MOSPD1: variants seen among roughly 807,000 people sequenced by gnomAD.
The protein encoded by MOSPD1 is motile sperm domain-containing protein 1.
MOSPD1 carries 5 observed loss-of-function variants against 16.7 expected under a neutral mutation model. The observed-to-expected ratio is 0.30, with a 90% CI of 0.16 to 0.63. The LOEUF (loss-of-function observed/expected upper bound fraction) is 0.63. Among genes scored for constraint, MOSPD1 ranks in the 30% least tolerant of loss-of-function variants. The probability of loss-of-function intolerance (pLI) is 0.82; values close to 1 mark genes in which losing one functional copy is unlikely to be tolerated. For synonymous variants in MOSPD1, 67 were observed against 59.2 expected (o/e 1.13, Z -0.61); for missense variants, 104 against 153.6 (o/e 0.68, Z 1.71).
At chrX:134,893,791 C>G (rs1333720981) in intron 4 of MOSPD1, among the ~76,000 whole-genome samples, 2 of 111,391 alleles carry the variant, frequency 1.8e-5, no homozygotes, top group Non-Finnish European at 3.8e-5. Context: ...AAATGTCTGC[C>G]TGGCACACTA....
intron 5 of MOSPD1, among the ~76,000 whole-genome samples, chrX:134,890,020 G>A (rs2082854367): frequency 9.6e-6 from 1 of 103,641 alleles, no homozygotes; most frequent in Non-Finnish European, 2.0e-5. Context: ...GCAGTGAGCC[G>A]AGATCCAGCC....
rs1221758366 is a variant in MOSPD1 at position 134,897,546 on chromosome X, T to TAAA, written c.231-515_231-513dup. Among the ~76,000 whole-genome samples the TAAA allele has an allele frequency of 4.5e-4, 26 of 57,831 alleles. No individual in the cohort carries two copies. In the East Asian group the frequency reaches 7.3e-3, roughly 16 times the overall value. 50.2% of individuals were successfully genotyped at this position (57,831 alleles called of 115,157 possible). Reference sequence around the variant, plus strand: ...GCAAGAGAGCAAGACTCTGTCTTATTAAAAAAAAAAAAAAAAAAAAAAGAA... The same window carrying TAAA: ...GCAAGAGAGCAAGACTCTGTCTTATTAAAAAAAAAAAAAAAAAAAAAAAAAGAA... On this transcript the variant is annotated intron_variant, in intron 3 of 5. Transcript: ENST00000370783.
intron 1 of MOSPD1, among the ~76,000 whole-genome samples, chrX:134,913,380 T>C (rs1294055192): frequency 1.8e-5 from 2 of 111,359 alleles, no homozygotes; most frequent in South Asian, 7.5e-4. Context: ...TCTCAAAAAA[T>C]ATATATATTT....
chrX:134,903,121 G>T (rs934566787), intron 1 of MOSPD1, among the ~76,000 whole-genome samples: 1 of 109,299 alleles, frequency 9.1e-6, no homozygotes, highest in Admixed American at 9.9e-5. Context: ...CTAAAACTCT[G>T]TCGAGATGAG....
At chrX:134,898,212 C>T (rs749095183) in intron 3 of MOSPD1, among the ~76,000 whole-genome samples, 1 of 111,404 alleles carries the variant, frequency 9.0e-6, no homozygotes, top group Non-Finnish European at 1.9e-5. Flanking sequence ...TTCTGCAATT[C>T]CATTTATTTT....
At chrX:134,891,776 T>C in intron 4 of MOSPD1, 136 bp from the exon 5 acceptor site, 1 of 623,350 alleles carries the variant, frequency 1.6e-6, no homozygotes. Flanking sequence ...ATTTTTTCCA[T>C]CTGAGAGTTA....
intron 4 of MOSPD1, among the ~76,000 whole-genome samples, chrX:134,895,798 A>G (rs1427492805): frequency 2.7e-5 from 3 of 110,674 alleles, no homozygotes; most frequent in African/African-American, 9.8e-5. Flanking sequence ...TGCAATTAAA[A>G]GTAATGGCAA....
intron 1 of MOSPD1, among the ~76,000 whole-genome samples, chrX:134,909,549 T>C (rs1235359629): frequency 8.9e-6 from 1 of 111,791 alleles, no homozygotes; most frequent in African/African-American, 3.2e-5. Context: ...AATGACCAAC[T>C]AAATACTAAA....
At chrX:134,899,000 C>A (rs765843938) in intron 3 of MOSPD1, 90 bp downstream of exon 3, 145 of 807,752 alleles carry the variant, frequency 1.8e-4, no homozygotes, top group Non-Finnish European at 2.5e-4. Flanking sequence ...TATGTGAGAA[C>A]AGCTTCAAGA....
chrX:134,899,115 C>T lies in MOSPD1; in HGVS notation c.205G>A (p.Val69Ile). The T allele has an allele frequency of 8.3e-7, 1 of 1,208,624 alleles. No homozygotes were observed. Among genetic ancestry groups the T allele is most frequent in the South Asian group, 1.8e-5 (1 of 56,559 alleles). ...KYVVVDAAGAVKPQCCVDIVI... is the reference protein window; with the variant it reads ...KYVVVDAAGAIKPQCCVDIVI... Reference sequence around the variant, plus strand: ...ATATCCACACAACACTGAGGCTTTACTGCACCTGCAGCATCAACGACAACA... The same window carrying T: ...ATATCCACACAACACTGAGGCTTTATTGCACCTGCAGCATCAACGACAACA... The change falls in exon 3 of 6, where the codon GTA (valine) becomes ATA (isoleucine). Residue 69 changes from valine to isoleucine, a missense_variant. Val to Ile is a conservative substitution (Grantham distance 29). This residue lies in a region of MOSPD1 where 21 missense variants were observed against 52.6 expected (regional missense o/e 0.40). Coordinates refer to ENST00000370783, the MANE Select transcript of MOSPD1 (RefSeq NM_019556.3).
At chrX:134,903,687 G>C (rs755377775) in intron 1 of MOSPD1, among the ~76,000 whole-genome samples, 32 of 99,032 alleles carry the variant, frequency 3.2e-4, no homozygotes, top group African/African-American at 1.2e-3. Flanking sequence ...ACTCCACCCT[G>C]GGTGACAGAG....
rs1304441279 is a variant in MOSPD1, at chrX:134,899,149, TGGA to T, written c.168_170del (p.Pro57del). 1 of 1,205,267 alleles carries T rather than the reference TGGA, an allele frequency of 8.3e-7. No homozygotes were observed. The highest frequency in any genetic ancestry group is 1.8e-5 in the African/African-American group (1 of 56,790). On this transcript the variant is annotated inframe_deletion, in exon 3 of 6. Coordinates refer to ENST00000370783, the MANE Select transcript of MOSPD1 (RefSeq NM_019556.3). ...CAGCATCAACGACAACATACTTATT[TGGA>T]GTAGTACACAAAACTGAAAGAAAAA...
Position 134,905,804 on chromosome X carries a change from TG to T in MOSPD1, c.-101-6271del, listed in dbSNP as rs762253676. On this transcript the variant is annotated intron_variant, in intron 1 of 5. Transcript: ENST00000370783. ...AATGAGAAAAAGATTTAAGATAACT[TG>T]CAAACTTAAGAACATGTATAACTCT... Among the ~76,000 whole-genome samples the T allele has an allele frequency of 4.8e-4, 54 of 112,277 alleles. 1 individual carries two copies. Among genetic ancestry groups the T allele is most frequent in the African/African-American group, 1.6e-3 (51 of 30,997 alleles).
intron 1 of MOSPD1, among the ~76,000 whole-genome samples, chrX:134,907,200 C>T (rs768995687): frequency 9.0e-5 from 10 of 110,889 alleles, no homozygotes; most frequent in Non-Finnish European, 1.9e-4. Flanking sequence ...TGCACCCCAG[C>T]CTGGGCAACA....
At chrX:134,891,418 C>A in intron 5 of MOSPD1, 61 bp downstream of exon 5, 1 of 1,066,741 alleles carries the variant, frequency 9.4e-7, no homozygotes, top group Non-Finnish European at 1.3e-6. Context: ...AAACCACCAC[C>A]ACCCTACCAC....
At chrX:134,890,115 G>C (rs1156673838) in intron 5 of MOSPD1, among the ~76,000 whole-genome samples, 5 of 106,880 alleles carry the variant, frequency 4.7e-5, no homozygotes, top group African/African-American at 1.7e-4. Flanking sequence ...AAGAGAGAGA[G>C]AACGAGGAGA....
chrX:134,905,833 T>C (rs1047275774), intron 1 of MOSPD1, among the ~76,000 whole-genome samples: 3 of 112,296 alleles, frequency 2.7e-5, no homozygotes, highest in African/African-American at 6.5e-5. Context: ...ATAACTCTAA[T>C]GTGAAACTAT....
chrX:134,904,944 T>C (rs983298735), intron 1 of MOSPD1, among the ~76,000 whole-genome samples: 4 of 111,281 alleles, frequency 3.6e-5, no homozygotes, highest in East Asian at 5.6e-4. Context: ...TATCCATTCA[T>C]TGGGATACCA....
At chrX:134,893,084 T>C (rs2082869838) in intron 4 of MOSPD1, among the ~76,000 whole-genome samples, 1 of 111,712 alleles carries the variant, frequency 9.0e-6, no homozygotes, top group African/African-American at 3.2e-5. Context: ...TGTGTTTCAT[T>C]AATGAAATAA....
Sources: allele counts gnomAD v4.1 joint callset (sites outside exome capture counted in the v4.1 genomes callset), GRCh38; gene constraint gnomAD v4.1.1; regional missense constraint gnomAD v4.1.1; transcripts MANE v1.5; gene names NCBI Gene and HGNC (gene_info 2026-07-23, HGNC 2026-07-21).